The following BANK1 variants were observed in gnomAD, a reference collection of about 807,000 sequenced individuals.
BANK1 encodes B-cell scaffold protein with ankyrin repeats.
A neutral mutation model predicts 94.5 loss-of-function variants in BANK1; 95 were observed. That is an observed-to-expected ratio of 1.00 (90% confidence interval 0.85 to 1.19). The LOEUF (loss-of-function observed/expected upper bound fraction) is 1.19. Among genes scored for constraint, BANK1 ranks in the 50% most tolerant of loss-of-function variants. The pLI is 0.00. For synonymous variants in BANK1, 334 were observed against 308.4 expected (o/e 1.08, Z -0.87); for missense variants, 987 against 932.2 (o/e 1.06, Z -0.77).
Position 101,922,030 on chromosome 4 carries a change from G to GTA in BANK1, c.1206+3842_1206+3843insAT, listed in dbSNP as rs1280359340. ...GGCCCGTGTGTGTGTGTGTGTGTGTGTGTGTGTGTGTGTGTGTGTGTGTGT... is the reference window on the plus strand; with the variant it reads ...GGCCCGTGTGTGTGTGTGTGTGTGTGTATGTGTGTGTGTGTGTGTGTGTGTGT... On this transcript the variant is annotated intron_variant, in intron 7 of 16. Coordinates refer to ENST00000322953, the MANE Select transcript of BANK1 (RefSeq NM_017935.5). Among the ~76,000 whole-genome samples, 7 of 150,786 alleles carry GTA rather than the reference G, an allele frequency of 4.6e-5. No homozygotes were observed. The East Asian group carries it at 1.4e-3, about 30-fold the overall frequency.
At chr4:101,958,317 G>A (rs891236894) in intron 7 of BANK1, among the ~76,000 whole-genome samples, 7 of 151,934 alleles carry the variant, frequency 4.6e-5, no homozygotes, top group Admixed American at 6.6e-5. Flanking sequence ...GAGACTCAAA[G>A]TTGCTACACA....
intron 2 of BANK1, among the ~76,000 whole-genome samples, chr4:101,838,510 G>T (rs995567409): frequency 2.6e-5 from 4 of 152,022 alleles, no homozygotes; most frequent in Admixed American, 2.0e-4. Flanking sequence ...CATGGGAAAT[G>T]ATCATCTGCT....
At chr4:101,832,347 GTCT>G (rs1180527703) in intron 2 of BANK1, among the ~76,000 whole-genome samples, 1 of 152,158 alleles carries the variant, frequency 6.6e-6, no homozygotes, top group Non-Finnish European at 1.5e-5. Context: ...GTAGAGTCAA[GTCT>G]TCTTTTATTT....
At chr4:102,010,073 T>G (rs139149994) in intron 7 of BANK1, among the ~76,000 whole-genome samples, 4 of 151,648 alleles carry the variant, frequency 2.6e-5, no homozygotes, top group Non-Finnish European at 4.4e-5. Context: ...GAGACCATCC[T>G]GGCTAACACG....
chr4:101,936,288 T>C (rs965419747), intron 7 of BANK1, among the ~76,000 whole-genome samples: 1 of 150,306 alleles, frequency 6.7e-6, no homozygotes, highest in African/African-American at 2.4e-5. Context: ...TATGTACACA[T>C]ATATGCACAC....
intron 11 of BANK1, among the ~76,000 whole-genome samples, chr4:102,053,362 A>AATC (rs1728118899): frequency 6.6e-6 from 1 of 152,146 alleles, no homozygotes. Context: ...AAAAAGAAAC[A>AATC]ATCTTAAAAG....
intron 1 of BANK1, among the ~76,000 whole-genome samples, chr4:101,812,117 G>T (rs1725749978): frequency 6.6e-6 from 1 of 151,846 alleles, no homozygotes; most frequent in African/African-American, 2.4e-5. Flanking sequence ...AAAATACCTG[G>T]TCTGAAAATT....
intron 1 of BANK1, among the ~76,000 whole-genome samples, chr4:101,809,204 G>A (rs894850536): frequency 2.6e-5 from 4 of 152,132 alleles, no homozygotes; most frequent in Non-Finnish European, 4.4e-5. Context: ...CAGCAAACTC[G>A]ATGGAGCTGG....
Position 101,862,517 on chromosome 4 carries a change from A to T in BANK1, c.625-9A>T. 1 of 1,592,552 alleles carries T rather than the reference A, an allele frequency of 6.3e-7. No homozygotes were observed. Among genetic ancestry groups the T allele is most frequent in the Non-Finnish European group, 8.5e-7 (1 of 1,172,090 alleles). On this transcript the variant is annotated splice_polypyrimidine_tract_variant and intron_variant, in intron 3 of 16. Transcript: ENST00000322953. ...AAATGCTTAAATGGGTTACATTTTC[A>T]TCTTACAGAATCCTGGTGAAATATT...
chr4:101,969,507 A>T (rs1359058667), intron 7 of BANK1, among the ~76,000 whole-genome samples: 1 of 152,146 alleles, frequency 6.6e-6, no homozygotes, highest in Non-Finnish European at 1.5e-5. Context: ...TTGGTTAGTT[A>T]TTAAAAGTTT....
chr4:101,912,331 G>A (rs1263026259), intron 6 of BANK1, among the ~76,000 whole-genome samples: 1 of 151,946 alleles, frequency 6.6e-6, no homozygotes, highest in African/African-American at 2.4e-5. Flanking sequence ...AAAATCTTAA[G>A]GTTTGAAAAC....
chr4:101,904,869 G>A (rs375228873), intron 6 of BANK1, among the ~76,000 whole-genome samples: 50 of 141,156 alleles, frequency 3.5e-4, no homozygotes, highest in South Asian at 6.8e-4. Flanking sequence ...CCATGCAGAC[G>A]TCCAGTGCTG....
chr4:101,934,618 A>T (rs1261578731), intron 7 of BANK1, among the ~76,000 whole-genome samples: 1 of 151,492 alleles, frequency 6.6e-6, no homozygotes, highest in Non-Finnish European at 1.5e-5. Flanking sequence ...CCTCCTAACT[A>T]ATGTAGTCAG....
intron 7 of BANK1, among the ~76,000 whole-genome samples, chr4:101,956,226 G>A (rs1724332082): frequency 6.6e-6 from 1 of 152,114 alleles, no homozygotes; most frequent in Non-Finnish European, 1.5e-5. Context: ...GCAAAGGCAG[G>A]CAGCCACCTG....
chr4:101,911,736 A>T (rs898244360), intron 6 of BANK1, among the ~76,000 whole-genome samples: 1 of 152,130 alleles, frequency 6.6e-6, no homozygotes, highest in African/African-American at 2.4e-5. Context: ...TTTGTTTTTC[A>T]TTTTATTTTG....
Position 101,895,396 on chromosome 4 carries a change from G to T in BANK1, c.995G>T (p.Cys332Phe). The part of the protein sequence containing the change: ...YEFQSLQTEI[C>F]SQNKYTHFKE... ...TTCCAGTCTCTTCAAACTGAAATTT[G>T]TTCTCAAAACAAATGTGAGTATTTT... is the stretch of plus-strand genomic sequence containing the variant. The change falls in exon 6 of 17, where the codon TGT becomes TTT. Residue 332 changes from cysteine to phenylalanine, a missense_variant. Cys to Phe is a radical substitution (Grantham distance 205). Coordinates refer to ENST00000322953, the MANE Select transcript of BANK1 (RefSeq NM_017935.5). 2 of 1,573,968 alleles carry T rather than the reference G, an allele frequency of 1.3e-6. No homozygotes were observed. Among genetic ancestry groups the T allele is most frequent in the Non-Finnish European group, 1.7e-6 (2 of 1,151,436 alleles).
At chr4:101,862,447 T>C in intron 3 of BANK1, 79 bp from the exon 4 acceptor site, 1 of 1,212,130 alleles carries the variant, frequency 8.2e-7, no homozygotes, top group South Asian at 1.8e-5. Context: ...ATTACCTTAA[T>C]TATAAAGAAA....
At chr4:102,067,249 T>TA (rs1421799609) in intron 13 of BANK1, among the ~76,000 whole-genome samples, 2 of 151,770 alleles carry the variant, frequency 1.3e-5, no homozygotes, top group East Asian at 1.9e-4. Flanking sequence ...AAGAGGAACA[T>TA]AAAAAAATGG....
At chr4:101,887,758 A>G (rs1052593601) in intron 5 of BANK1, among the ~76,000 whole-genome samples, 5 of 152,144 alleles carry the variant, frequency 3.3e-5, no homozygotes, top group African/African-American at 7.2e-5. Context: ...ATTGTTTTAT[A>G]TGTTTGTTTT....
Sources: allele counts gnomAD v4.1 joint callset (sites outside exome capture counted in the v4.1 genomes callset), GRCh38; gene constraint gnomAD v4.1.1; transcripts MANE v1.5; gene names NCBI Gene and HGNC (gene_info 2026-07-23, HGNC 2026-07-21).